Variants in CDKAL1 observed in about 807,000 individuals in gnomAD.
CDKAL1 encodes threonylcarbamoyladenosine tRNA methylthiotransferase.
CDKAL1 carries 32 observed loss-of-function variants against 68.2 expected under a neutral mutation model. The observed-to-expected ratio is 0.47, with a 90% confidence interval of 0.35 to 0.63. CDKAL1 has a LOEUF of 0.63. CDKAL1 is among the 30% of genes least tolerant of loss of function. The probability of loss-of-function intolerance (pLI) is 0.00; values close to 1 mark genes in which losing one functional copy is unlikely to be tolerated. For missense variants in CDKAL1, 606 were observed against 696.7 expected (o/e 0.87, Z 1.47); for synonymous variants, 234 against 244.3 (o/e 0.96, Z 0.39).
intron 11 of CDKAL1, among the ~76,000 whole-genome samples, chr6:21,059,591 C>T (rs1464245524): frequency 6.6e-6 from 1 of 152,126 alleles, no homozygotes; most frequent in Non-Finnish European, 1.5e-5. Context: ...ATTGCTCCGC[C>T]CTGCTTTTCC....
chr6:20,537,071 G>A (rs1334453426), intron 2 of CDKAL1, among the ~76,000 whole-genome samples: 1 of 151,908 alleles, frequency 6.6e-6, no homozygotes, highest in African/African-American at 2.4e-5. Context: ...ACAGAGTCTC[G>A]CTCTGTCGCC....
chr6:21,008,153 C>G (rs908849592), intron 11 of CDKAL1, among the ~76,000 whole-genome samples: 3 of 152,114 alleles, frequency 2.0e-5, no homozygotes, highest in Admixed American at 1.3e-4. Flanking sequence ...TTTGCAGTGA[C>G]TGCCTGGAAA....
At position 21,208,892 on chromosome 6, in the gene CDKAL1, G is replaced by C. The variant is rs9368288; in HGVS notation, c.1548+7618G>C. 1.0e-3 allele frequency among the ~76,000 whole-genome samples: 154 copies of C among 152,062 alleles called. 1 individual carries two copies. The highest frequency in any genetic ancestry group is 3.6e-3 in the African/African-American group (149 of 41,464). On this transcript the variant is annotated intron_variant, in intron 15 of 15. Coordinates refer to ENST00000274695, the MANE Select transcript of CDKAL1 (RefSeq NM_017774.3). ...GTTTAGTGTGTTTACAATACCTTCCGTGTACCAATTTGAGTACCATCCAAA... is the reference window on the plus strand; with the variant it reads ...GTTTAGTGTGTTTACAATACCTTCCCTGTACCAATTTGAGTACCATCCAAA...
At chr6:20,692,849 G>A (rs554948694) in intron 5 of CDKAL1, among the ~76,000 whole-genome samples, 9 of 152,026 alleles carry the variant, frequency 5.9e-5, no homozygotes, top group South Asian at 2.1e-4. Flanking sequence ...AGTTGTGGCC[G>A]GGTGCGGTGG....
intron 9 of CDKAL1, among the ~76,000 whole-genome samples, chr6:20,886,517 C>T (rs369902869): frequency 1.3e-5 from 2 of 152,096 alleles, no homozygotes; most frequent in African/African-American, 4.8e-5. Context: ...AATGGATAAA[C>T]AAAATATTGG....
In CDKAL1 at chr6:20,602,271, A is replaced by G. The variant is rs1229173364; in HGVS notation, c.287-47022A>G. ...TCCCTTTATTTATCAGTCAGCATAT[A>G]AGGGAAGGTCTTTGAACAGATCCAA... On this transcript the variant is annotated intron_variant, in intron 4 of 15. Transcript: ENST00000274695. 2.0e-5 allele frequency among the ~76,000 whole-genome samples: 3 copies of G among 152,272 alleles called. No individual in the cohort carries two copies. The East Asian group carries it at 5.8e-4, about 29-fold the overall frequency.
intron 13 of CDKAL1, among the ~76,000 whole-genome samples, chr6:21,148,833 A>G (rs9295496): frequency 0.38 from 57,130 of 152,044 alleles, 11,303 homozygotes; most frequent in African/African-American, 0.51. Context: ...CTAATTCACC[A>G]AAAATAAGTA....
intron 8 of CDKAL1, among the ~76,000 whole-genome samples, chr6:20,836,994 G>A (rs185368720): frequency 4.3e-4 from 65 of 152,184 alleles, no homozygotes; most frequent in African/African-American, 1.4e-3. Flanking sequence ...CTGGCCCTGC[G>A]TTAGGTAGTA....
intron 9 of CDKAL1, among the ~76,000 whole-genome samples, chr6:20,884,127 G>T (rs1760954165): frequency 6.6e-6 from 1 of 151,908 alleles, no homozygotes; most frequent in South Asian, 2.1e-4. Context: ...TCATCAAGTG[G>T]GATTTATCCA....
chr6:20,625,358 A>G lies in CDKAL1; in HGVS notation c.287-23935A>G, dbSNP rs558203411. ...TTGGTGACTTCAAATAGTTTAGTCA[A>G]TACGCATCCATTTTGCATTTTTGGT... On this transcript the variant is annotated intron_variant, in intron 4 of 15. Coordinates refer to ENST00000274695, the MANE Select transcript of CDKAL1 (RefSeq NM_017774.3). Among the ~76,000 whole-genome samples, 15 of 152,262 alleles carry G rather than the reference A, an allele frequency of 9.9e-5. No individual in the cohort carries two copies. In the South Asian group the frequency reaches 1.9e-3, roughly 19 times the overall value.
At chr6:20,949,086 C>G (rs564004753) in intron 9 of CDKAL1, among the ~76,000 whole-genome samples, 1 of 152,308 alleles carries the variant, frequency 6.6e-6, no homozygotes, top group East Asian at 1.9e-4. Context: ...AATACCATCT[C>G]TTTGTTAACT....
intron 13 of CDKAL1, among the ~76,000 whole-genome samples, chr6:21,154,064 C>T (rs1052296868): frequency 6.6e-6 from 1 of 152,130 alleles, no homozygotes; most frequent in African/African-American, 2.4e-5. Context: ...ACTTAATTGC[C>T]CTGTGTCTCG....
chr6:20,613,475 A>G (rs1766741077), intron 4 of CDKAL1, among the ~76,000 whole-genome samples: 1 of 150,538 alleles, frequency 6.6e-6, no homozygotes, highest in South Asian at 2.1e-4. Context: ...GGGTTTCACC[A>G]TGTTGGCCAG....
At chr6:21,183,441 G>T (rs1432865450) in intron 13 of CDKAL1, among the ~76,000 whole-genome samples, 1 of 152,068 alleles carries the variant, frequency 6.6e-6, no homozygotes, top group Non-Finnish European at 1.5e-5. Context: ...CAATAATCTA[G>T]ACTCTAAGTA....
chr6:20,978,308 G>A (rs531558174), intron 10 of CDKAL1, among the ~76,000 whole-genome samples: 1 of 152,178 alleles, frequency 6.6e-6, no homozygotes, highest in Non-Finnish European at 1.5e-5. Context: ...CATGTGGCGG[G>A]TGTTTTTCTT....
intron 8 of CDKAL1, among the ~76,000 whole-genome samples, chr6:20,796,369 G>A (rs553562080): frequency 3.0e-4 from 45 of 152,274 alleles, no homozygotes; most frequent in Middle Eastern, 3.4e-3. Flanking sequence ...ATCATGCAAT[G>A]TTCAGGAATT....
At chr6:21,132,016 A>C (rs1775347238) in intron 13 of CDKAL1, among the ~76,000 whole-genome samples, 1 of 152,132 alleles carries the variant, frequency 6.6e-6, no homozygotes, top group South Asian at 2.1e-4. Flanking sequence ...ATTCCAATCA[A>C]GTGTTATTTT....
chr6:20,670,042 CCTTTT>C (rs750831718), intron 5 of CDKAL1, among the ~76,000 whole-genome samples: 8 of 152,118 alleles, frequency 5.3e-5, no homozygotes, highest in Non-Finnish European at 1.0e-4. Flanking sequence ...TTAGCATCTC[CCTTTT>C]CTTATAAGTA....
chr6:20,783,281 A>G (rs1409106993), intron 8 of CDKAL1, among the ~76,000 whole-genome samples: 5 of 152,174 alleles, frequency 3.3e-5, no homozygotes, highest in African/African-American at 4.8e-5. Context: ...GGCTAGACAC[A>G]TGCCTTTAAA....
Sources: allele counts gnomAD v4.1 joint callset (sites outside exome capture counted in the v4.1 genomes callset), GRCh38; gene constraint gnomAD v4.1.1; transcripts MANE v1.5; gene names NCBI Gene and HGNC (gene_info 2026-07-23, HGNC 2026-07-21).